Variants in TENM2 observed in about 807,000 individuals in gnomAD.
TENM2 encodes teneurin-2.
TENM2 carries 52 observed loss-of-function variants against 245.2 expected under a neutral mutation model. That is an observed-to-expected ratio of 0.21 (90% CI 0.17 to 0.27). The LOEUF (loss-of-function observed/expected upper bound fraction) is 0.27. TENM2 is among the 10% of genes least tolerant of loss of function. The probability of loss-of-function intolerance (pLI) is 1.00; values close to 1 mark genes in which losing one functional copy is unlikely to be tolerated. For synonymous variants in TENM2, 1,363 were observed against 1,438.9 expected (o/e 0.95, Z 1.19); for missense variants, 3,046 against 3,666.8 (o/e 0.83, Z 4.37).
At chr5:168,038,569 C>G (rs1001794412) in intron 5 of TENM2, among the ~76,000 whole-genome samples, 6 of 152,190 alleles carry the variant, frequency 3.9e-5, no homozygotes, top group African/African-American at 1.4e-4. Flanking sequence ...GGGCTTAGAA[C>G]AGTGGTTGAC....
the TENM2 span, among the ~76,000 whole-genome samples, chr5:167,125,000 C>T: frequency 1.3e-5 from 2 of 152,142 alleles, no homozygotes; most frequent in Admixed American, 6.6e-5. Flanking sequence ...TGTGTACAGC[C>T]TCTAGACATG....
chr5:167,743,721 A>G (rs1196523053), intron 2 of TENM2, among the ~76,000 whole-genome samples: 2 of 152,214 alleles, frequency 1.3e-5, no homozygotes, highest in Non-Finnish European at 2.9e-5. Flanking sequence ...ATAAAGTTAA[A>G]TTATAGCAAC....
chr5:167,830,694 G>A (rs138620385), intron 2 of TENM2, among the ~76,000 whole-genome samples: 166 of 152,292 alleles, frequency 1.1e-3, no homozygotes, highest in African/African-American at 3.6e-3. Flanking sequence ...GACAGTCCTA[G>A]AGAAGCAGTT....
At chr5:168,108,420 C>G (rs901660525) in intron 9 of TENM2, among the ~76,000 whole-genome samples, 3 of 152,142 alleles carry the variant, frequency 2.0e-5, no homozygotes, top group South Asian at 4.1e-4. Flanking sequence ...GTTTTCTCAT[C>G]TGTAAAATGG....
the TENM2 span, among the ~76,000 whole-genome samples, chr5:167,185,963 T>G: frequency 6.6e-6 from 1 of 152,184 alleles, no homozygotes; most frequent in Non-Finnish European, 1.5e-5. Flanking sequence ...ATCTACAGAT[T>G]CCTTTGGTGG....
At chr5:167,233,074 A>G in the TENM2 span, among the ~76,000 whole-genome samples, 1 of 152,228 alleles carries the variant, frequency 6.6e-6, no homozygotes, top group Non-Finnish European at 1.5e-5. Flanking sequence ...GCTAAGTGCC[A>G]AATCAGTGGC....
chr5:167,463,647 C>A (rs948455884), intron 2 of TENM2, among the ~76,000 whole-genome samples: 1 of 151,932 alleles, frequency 6.6e-6, no homozygotes, highest in Non-Finnish European at 1.5e-5. Context: ...TATGGGCATG[C>A]ACCATCATGC....
At chr5:167,232,901 T>G in the TENM2 span, among the ~76,000 whole-genome samples, 1 of 152,238 alleles carries the variant, frequency 6.6e-6, no homozygotes, top group African/African-American at 2.4e-5. Context: ...TCACCACCAT[T>G]ACCCAAAAAC....
At chr5:167,271,170 T>C in the TENM2 span, among the ~76,000 whole-genome samples, 1 of 152,260 alleles carries the variant, frequency 6.6e-6, no homozygotes, top group Non-Finnish European at 1.5e-5. Flanking sequence ...ATGGGCTTTC[T>C]CTGCTGCCTC....
intron 5 of TENM2, among the ~76,000 whole-genome samples, chr5:168,043,027 A>G (rs917269899): frequency 6.6e-6 from 1 of 152,148 alleles, no homozygotes; most frequent in Non-Finnish European, 1.5e-5. Flanking sequence ...AGAGGGAGGA[A>G]TGTTAGGGAG....
At chr5:167,133,053 C>T in the TENM2 span, among the ~76,000 whole-genome samples, 2 of 152,164 alleles carry the variant, frequency 1.3e-5, no homozygotes, top group African/African-American at 4.8e-5. Flanking sequence ...ACAGTCATCA[C>T]AGGGACGTGT....
chr5:167,762,449 C>G (rs1181222633), intron 2 of TENM2, among the ~76,000 whole-genome samples: 2 of 152,182 alleles, frequency 1.3e-5, no homozygotes, highest in Admixed American at 6.5e-5. Flanking sequence ...AGATGCTTCC[C>G]TCCCTTCCTC....
chr5:168,137,757 G>A (rs1755181072), intron 12 of TENM2, among the ~76,000 whole-genome samples: 2 of 152,192 alleles, frequency 1.3e-5, no homozygotes, highest in South Asian at 4.1e-4. Flanking sequence ...CAGCAAAGCA[G>A]GCAAGTCAAG....
intron 6 of TENM2, among the ~76,000 whole-genome samples, chr5:168,060,693 A>G (rs532691613): frequency 2.1e-4 from 32 of 152,290 alleles, no homozygotes; most frequent in African/African-American, 6.7e-4. Context: ...CAATCACCTC[A>G]TATTTTAAAG....
the TENM2 span, among the ~76,000 whole-genome samples, chr5:167,144,876 A>G: frequency 6.6e-6 from 1 of 152,228 alleles, no homozygotes; most frequent in Non-Finnish European, 1.5e-5. Flanking sequence ...TGGAGGTTAC[A>G]AGTACAAGAT....
At chr5:168,156,530 C>T (rs1757201583) in intron 12 of TENM2, among the ~76,000 whole-genome samples, 1 of 152,074 alleles carries the variant, frequency 6.6e-6, no homozygotes, top group South Asian at 2.1e-4. Context: ...TTATTTCTAC[C>T]TTTAAATTGC....
At chr5:168,086,037 A>T (rs966774433) in intron 7 of TENM2, among the ~76,000 whole-genome samples, 1 of 152,320 alleles carries the variant, frequency 6.6e-6, no homozygotes, top group African/African-American at 2.4e-5. Context: ...GCATGAAGTC[A>T]TCCCCCCTTT....
At chr5:167,163,033 G>A in the TENM2 span, among the ~76,000 whole-genome samples, 1 of 152,174 alleles carries the variant, frequency 6.6e-6, no homozygotes, top group Non-Finnish European at 1.5e-5. Context: ...CTTTAGATTT[G>A]AATAATGGTA....
chr5:167,032,809 C>T, the TENM2 span, among the ~76,000 whole-genome samples: 1,045 of 152,198 alleles, frequency 6.9e-3, 9 homozygotes, highest in Middle Eastern at 0.014. Flanking sequence ...GGGGGTATTA[C>T]AGAGCTATTT....
Sources: allele counts gnomAD v4.1 joint callset (sites outside exome capture counted in the v4.1 genomes callset), GRCh38; gene constraint gnomAD v4.1.1; transcripts MANE v1.5; gene names NCBI Gene and HGNC (gene_info 2026-07-23, HGNC 2026-07-21).